FAM135B: variants seen among roughly 807,000 people sequenced by gnomAD.
FAM135B encodes family with sequence similarity 135 member B.
Under a neutral mutation model 127.7 loss-of-function variants are expected in FAM135B, and 43 were observed. That is an observed-to-expected ratio of 0.34 (90% CI 0.26 to 0.43). FAM135B has a LOEUF of 0.43. Among genes scored for constraint, FAM135B ranks in the 20% least tolerant of loss-of-function variants. The pLI, the probability that FAM135B is intolerant of heterozygous loss-of-function variation, is 1.00. For synonymous variants in FAM135B, 670 were observed against 665.1 expected (o/e 1.01, Z -0.11); for missense variants, 1,558 against 1,725.6 (o/e 0.90, Z 1.72).
chr8:138,224,728 T>C (rs1038038411), intron 7 of FAM135B, among the ~76,000 whole-genome samples: 1 of 152,108 alleles, frequency 6.6e-6, no homozygotes, highest in Non-Finnish European at 1.5e-5. Flanking sequence ...CTTTGGAAAG[T>C]CATTAGAGTT....
rs574975280 is a variant in FAM135B, at chr8:138,467,949, T to G, written c.-20+28722A>C. On this transcript the variant is annotated intron_variant, in intron 1 of 19. Coordinates refer to ENST00000395297, the MANE Select transcript of FAM135B (RefSeq NM_015912.4). Reference sequence around the variant, plus strand: ...TTCCTAGGAGAAGCCTGGCGAAGTATTTAGAGTATACTGTCTTAAAGTCTG... The same window carrying G: ...TTCCTAGGAGAAGCCTGGCGAAGTAGTTAGAGTATACTGTCTTAAAGTCTG... Among the ~76,000 whole-genome samples the G allele has an allele frequency of 9.2e-5, 14 of 152,334 alleles. No individual in the cohort carries two copies. In the East Asian group the frequency reaches 1.5e-3, roughly 17 times the overall value.
intron 5 of FAM135B, among the ~76,000 whole-genome samples, chr8:138,253,107 G>C (rs897424519): frequency 9.9e-5 from 15 of 152,042 alleles, no homozygotes; most frequent in African/African-American, 1.7e-4. Context: ...GGCCAAGAAG[G>C]CTTCTTTTCT....
chr8:138,308,307 A>G (rs1221021955), intron 3 of FAM135B, among the ~76,000 whole-genome samples: 1 of 152,220 alleles, frequency 6.6e-6, no homozygotes, highest in African/African-American at 2.4e-5. Context: ...CTGAGATCTC[A>G]GCTGAAGGTA....
chr8:138,303,831 C>T (rs1826054347), intron 3 of FAM135B, among the ~76,000 whole-genome samples: 1 of 152,150 alleles, frequency 6.6e-6, no homozygotes, highest in Admixed American at 6.5e-5. Context: ...ATCCTTCAAA[C>T]ATTTCTACAG....
chr8:138,275,608 T>G (rs974239877), intron 3 of FAM135B, among the ~76,000 whole-genome samples: 1 of 151,924 alleles, frequency 6.6e-6, no homozygotes, highest in Non-Finnish European at 1.5e-5. Context: ...GGTTGGAAGA[T>G]CTCTTGAGCC....
At chr8:138,217,996 A>G (rs983805528) in intron 7 of FAM135B, among the ~76,000 whole-genome samples, 4 of 152,340 alleles carry the variant, frequency 2.6e-5, no homozygotes, top group Admixed American at 2.0e-4. Context: ...CTTCCAAACA[A>G]TGAAACTATT....
At chr8:138,214,663 G>T (rs150937072) in intron 7 of FAM135B, among the ~76,000 whole-genome samples, 154 of 152,228 alleles carry the variant, frequency 1.0e-3, no homozygotes, top group African/African-American at 3.6e-3. Context: ...GGACACATAG[G>T]TGAAAATTCC....
chr8:138,366,262 T>C (rs960279949), intron 2 of FAM135B, among the ~76,000 whole-genome samples: 1 of 152,074 alleles, frequency 6.6e-6, no homozygotes, highest in African/African-American at 2.4e-5. Flanking sequence ...ACAAGAAAAA[T>C]GTCTAATACC....
At chr8:138,465,589 TTTGCCCAACCCACTCTTTGC>T (rs1837341386) in intron 1 of FAM135B, among the ~76,000 whole-genome samples, 2 of 152,232 alleles carry the variant, frequency 1.3e-5, no homozygotes, top group African/African-American at 4.8e-5. Context: ...GGCTTGTGCC[TTTGCCCAACCCACTCTTTGC>T]TTAATGCAAC....
intron 2 of FAM135B, among the ~76,000 whole-genome samples, chr8:138,356,529 T>C (rs753071013): frequency 1.7e-4 from 26 of 152,150 alleles, no homozygotes; most frequent in Non-Finnish European, 3.2e-4. Context: ...CTCCAAAGAA[T>C]TCTGGTTAAC....
chr8:138,141,463 G>A lies in FAM135B; in HGVS notation c.3639-114C>T. 1 of 1,092,976 alleles carries A rather than the reference G, an allele frequency of 9.1e-7. No individual in the cohort carries two copies. Among genetic ancestry groups the A allele is most frequent in the Admixed American group, 2.0e-5 (1 of 50,516 alleles). The allele number at this position is 1,092,976 out of a possible 1,614,324, so 67.7% of individuals were successfully genotyped here. A position where few individuals can be genotyped will look rare whatever the true frequency, so the allele number is the denominator to read the frequency against. On this transcript the variant is annotated intron_variant, in intron 16 of 19. Transcript: ENST00000395297. The surrounding 1 kb of genome is among the most constrained non-coding windows in gnomAD (Gnocchi z 4.7). Reference sequence around the variant, plus strand: ...TCTCCACCTCCCACTGAATGTAGGGGAACTGGCAAAGAGAACAGGGACTGC... The same window carrying A: ...TCTCCACCTCCCACTGAATGTAGGGAAACTGGCAAAGAGAACAGGGACTGC...
intron 1 of FAM135B, chr8:138,441,179 A>G (rs929775132): frequency 4.6e-5 from 7 of 152,192 alleles, no homozygotes; most frequent in Non-Finnish European, 8.8e-5. Context: ...ACAGCACTGG[A>G]GAGTAAACAG....
chr8:138,198,004 A>T lies in FAM135B; in HGVS notation c.670-335T>A, dbSNP rs902703586. Among the ~76,000 whole-genome samples the T allele has an allele frequency of 2.0e-5, 3 of 152,346 alleles. No homozygotes were observed. The East Asian group carries it at 5.8e-4, about 29-fold the overall frequency. ...GACATTGGCCTCACAGGTTTGAGAC[A>T]ATCGAGTGGCCCCACTTACAAGCTG... On this transcript the variant is annotated intron_variant, in intron 7 of 19. Coordinates refer to ENST00000395297, the MANE Select transcript of FAM135B (RefSeq NM_015912.4).
At chr8:138,136,734 T>C (rs894792289) in intron 19 of FAM135B, among the ~76,000 whole-genome samples, 40 of 152,346 alleles carry the variant, frequency 2.6e-4, no homozygotes, top group African/African-American at 9.6e-4. Flanking sequence ...CTCTGTCCTA[T>C]GTCCTGTTCC....
intron 1 of FAM135B, among the ~76,000 whole-genome samples, chr8:138,404,240 T>G (rs1444407833): frequency 6.6e-6 from 1 of 152,178 alleles, no homozygotes; most frequent in African/African-American, 2.4e-5. Context: ...CACTATAATG[T>G]AGTCTATTAA....
chr8:138,137,754 C>T (rs1816786115), intron 18 of FAM135B, among the ~76,000 whole-genome samples: 1 of 152,146 alleles, frequency 6.6e-6, no homozygotes, highest in African/African-American at 2.4e-5. Context: ...CAGAACTCAC[C>T]TCTCTGCAGC....
chr8:138,288,052 T>C (rs149899747), intron 3 of FAM135B, among the ~76,000 whole-genome samples: 61 of 152,310 alleles, frequency 4.0e-4, no homozygotes, highest in Non-Finnish European at 7.6e-4. Flanking sequence ...ATCACTTATG[T>C]AGCAAAATTA....
chr8:138,493,088 T>C (rs1815265304), intron 1 of FAM135B, among the ~76,000 whole-genome samples: 1 of 152,108 alleles, frequency 6.6e-6, no homozygotes, highest in Admixed American at 6.5e-5. Flanking sequence ...CCACTTTCCT[T>C]TGTGATGCTA....
At chr8:138,412,238 GAAAC>G (rs1833909110) in intron 1 of FAM135B, among the ~76,000 whole-genome samples, 1 of 152,094 alleles carries the variant, frequency 6.6e-6, no homozygotes, top group African/African-American at 2.4e-5. Context: ...ATTATTTAAA[GAAAC>G]AAAAGAAAAA....
Sources: gnomAD v4.1 joint callset for allele counts (sites outside exome capture counted in the v4.1 genomes callset) on GRCh38, gnomAD v4.1.1 for gene constraint, Gnocchi (gnomAD v3.1) non-coding constraint, MANE v1.5 for transcripts, NCBI Gene and HGNC (gene_info 2026-07-23, HGNC 2026-07-21) for gene names.